GSDMC: variants seen among roughly 807,000 people sequenced by gnomAD.
The protein encoded by GSDMC is gasdermin-C.
GSDMC carries 59 observed loss-of-function variants against 58.0 expected under a neutral mutation model. The observed-to-expected ratio is 1.02, with a 90% CI of 0.82 to 1.26. The LOEUF (loss-of-function observed/expected upper bound fraction) is 1.26, where lower values mean the gene tolerates loss of function less well. GSDMC is among the 50% of genes most tolerant of loss of function. The pLI is 0.00. For missense variants in GSDMC, 659 were observed against 598.5 expected, an observed-to-expected ratio of 1.10 and a Z score of -1.06; for synonymous variants, 241 against 220.2, an observed-to-expected ratio of 1.09 and a Z score of -0.83.
intron 9 of GSDMC, 95 bp downstream of exon 9, chr8:129,751,767 G>T (rs931135279): frequency 1.1e-5 from 14 of 1,326,738 alleles, no homozygotes; most frequent in Non-Finnish European, 1.4e-5. Context: ...CCCTAGGGCG[G>T]TGGTGGCAAA....
Position 129,748,286 on chromosome 8 carries a change from C to T in GSDMC, c.*215G>A. On this transcript the variant is annotated 3_prime_UTR_variant, in exon 14 of 14. Coordinates refer to ENST00000276708, the MANE Select transcript of GSDMC (RefSeq NM_031415.3). ...TAACATACTATTTGAGGAGTTTTGA[C>T]AAATATATAAACTCTTGTCAATATA... 1.2e-5 allele frequency: 5 copies of T among 421,766 alleles called. No individual in the cohort carries two copies. Among genetic ancestry groups the T allele is most frequent in the Non-Finnish European group, 1.7e-5 (4 of 240,164 alleles). 26.1% of individuals were successfully genotyped at this position (421,766 alleles called of 1,614,324 possible). A position where few individuals can be genotyped will look rare whatever the true frequency, so the allele number is the denominator to read the frequency against.
chr8:129,729,348 A>T, the GSDMC span: 1 of 460,362 alleles, frequency 2.2e-6, no homozygotes. Context: ...TCTAGGGTAC[A>T]TGTGCACAAG....
At chr8:129,714,355 C>T in the GSDMC span, among the ~76,000 whole-genome samples, 1 of 152,176 alleles carries the variant, frequency 6.6e-6, no homozygotes, top group Non-Finnish European at 1.5e-5. Flanking sequence ...AGTAAAAAGA[C>T]AGAAATAGTC....
intron 1 of GSDMC, among the ~76,000 whole-genome samples, chr8:129,785,015 C>G (rs1322238435): frequency 2.6e-5 from 4 of 152,106 alleles, no homozygotes. Flanking sequence ...GAGTTCAAGA[C>G]CAGCCTGACC....
At chr8:129,741,915 A>ATATATATATATATATATAT in the GSDMC span, among the ~76,000 whole-genome samples, 1 of 126,272 alleles carries the variant, frequency 7.9e-6, no homozygotes, top group Non-Finnish European at 1.6e-5. Context: ...AAGAAAATGT[A>ATATATATATATATATATAT]ATATATATAT....
Position 129,750,499 on chromosome 8 carries a change from C to T in GSDMC, c.1015G>A (p.Asp339Asn), listed in dbSNP as rs781227916. ...GCCAGGATACTGTAGAACATGACAT[C>T]CTGAACATCCTTTGAGAGCTGAGCC... ...TLAQLSKDVQDVMFYSILAML... is the reference protein window; with the variant it reads ...TLAQLSKDVQNVMFYSILAML... Residue 339 changes from aspartate to asparagine, a missense_variant, in exon 11 of 14, where the codon GAT becomes AAT. Coordinates refer to ENST00000276708, the MANE Select transcript of GSDMC (RefSeq NM_031415.3). 1.2e-6 allele frequency: 2 copies of T among 1,613,924 alleles called. No homozygotes were observed. The highest frequency in any genetic ancestry group is 3.3e-5 in the Admixed American group (2 of 60,026).
the GSDMC span, among the ~76,000 whole-genome samples, chr8:129,716,915 A>T: frequency 6.6e-6 from 1 of 152,238 alleles, no homozygotes; most frequent in African/African-American, 2.4e-5. Flanking sequence ...ATGATGGATT[A>T]CATTTATTGA....
At chr8:129,731,549 G>C in the GSDMC span, among the ~76,000 whole-genome samples, 2 of 152,224 alleles carry the variant, frequency 1.3e-5, no homozygotes, top group Non-Finnish European at 2.9e-5. Context: ...TGTGAGGCAA[G>C]AGGCTGGCAA....
chr8:129,727,771 G>A, the GSDMC span, among the ~76,000 whole-genome samples: 2 of 152,178 alleles, frequency 1.3e-5, no homozygotes. Flanking sequence ...CTCTGGAGTA[G>A]GGTAGGAGCC....
At chr8:129,729,004 A>G in the GSDMC span, 1 of 660,604 alleles carries the variant, frequency 1.5e-6, no homozygotes, top group Non-Finnish European at 2.9e-6. Context: ...AGCTTGCTGC[A>G]CGATGAGGAT....
intron 6 of GSDMC, among the ~76,000 whole-genome samples, chr8:129,754,538 C>T (rs546366663): frequency 6.6e-6 from 1 of 152,264 alleles, no homozygotes; most frequent in South Asian, 2.1e-4. Context: ...CCTAATTCAT[C>T]AATGCCTACA....
chr8:129,752,337 A>C (rs984067292), intron 7 of GSDMC, among the ~76,000 whole-genome samples, 190 bp from the exon 8 acceptor site: 2 of 152,006 alleles, frequency 1.3e-5, no homozygotes, highest in Non-Finnish European at 2.9e-5. Context: ...TCCCCAACAG[A>C]CTCACACCTA....
intron 6 of GSDMC, among the ~76,000 whole-genome samples, chr8:129,759,567 T>C (rs2033575211): frequency 6.6e-6 from 1 of 152,174 alleles, no homozygotes; most frequent in African/African-American, 2.4e-5. Context: ...TGAGTAGACA[T>C]TTCTCAAAAG....
chr8:129,770,862 A>C (rs940362138), intron 3 of GSDMC, among the ~76,000 whole-genome samples: 1 of 151,940 alleles, frequency 6.6e-6, no homozygotes, highest in Non-Finnish European at 1.5e-5. Flanking sequence ...AGAAAGCAAG[A>C]TCCAATGACC....
intron 12 of GSDMC, among the ~76,000 whole-genome samples, chr8:129,749,789 A>G (rs2033097841): frequency 6.6e-6 from 1 of 152,052 alleles, no homozygotes; most frequent in South Asian, 2.1e-4. Flanking sequence ...TAAACTGGTA[A>G]CTCCCTAGGC....
chr8:129,774,035 A>C (rs144096706), intron 3 of GSDMC, among the ~76,000 whole-genome samples: 1,628 of 152,294 alleles, frequency 0.011, 10 homozygotes, highest in Admixed American at 0.018. Flanking sequence ...TGCCAATGAC[A>C]ATCTTCACAG....
intron 3 of GSDMC, among the ~76,000 whole-genome samples, chr8:129,770,045 A>T (rs2033997097): frequency 6.6e-6 from 1 of 152,258 alleles, no homozygotes; most frequent in Non-Finnish European, 1.5e-5. Context: ...ACTCTGGTAT[A>T]AAAATGTTTT....
chr8:129,769,237 A>G (rs62524983), intron 3 of GSDMC, among the ~76,000 whole-genome samples: 21,889 of 152,194 alleles, frequency 0.14, 1,646 homozygotes, highest in South Asian at 0.22. Context: ...TAATTAAATT[A>G]TCAAAAGTCA....
At position 129,765,644 on chromosome 8, in the gene GSDMC, C is replaced by T; in HGVS notation, c.554G>A (p.Trp185Ter). ...ACTTTATACCTTGCCATAGGTAATC[C>T]AAAGAGCAATTTTCCCTAAAATATT... is the stretch of plus-strand genomic sequence containing the variant. ...SVNILGKIAL[W>*]ITYGKGQGQG... Residue 185 changes from tryptophan (W) to a stop codon, truncating the protein, a stop_gained, in exon 4 of 14, where the codon TGG (tryptophan) becomes TAG (stop). Coordinates refer to ENST00000276708, the MANE Select transcript of GSDMC (RefSeq NM_031415.3). LOFTEE classifies it high-confidence loss of function. 1.2e-6 allele frequency: 2 copies of T among 1,613,402 alleles called. No homozygotes were observed. The highest frequency in any genetic ancestry group is 1.7e-6 in the Non-Finnish European group (2 of 1,179,460).
Sources: gnomAD v4.1 joint callset for allele counts (sites outside exome capture counted in the v4.1 genomes callset) on GRCh38, gnomAD v4.1.1 for gene constraint, MANE v1.5 for transcripts, NCBI Gene and HGNC (gene_info 2026-07-23, HGNC 2026-07-21) for gene names.